SUGCT: variants seen among roughly 807,000 people sequenced by gnomAD.
The protein encoded by SUGCT is succinyl-CoA:glutarate CoA-transferase.
In SUGCT, 41 loss-of-function variants were observed where a neutral mutation model predicts 55.0. The observed-to-expected ratio is 0.74, with a 90% CI of 0.58 to 0.97. SUGCT has a LOEUF of 0.97. SUGCT is among the 50% of genes least tolerant of loss of function. The probability of loss-of-function intolerance (pLI) is 0.00; values close to 1 mark genes in which losing one functional copy is unlikely to be tolerated. For missense variants in SUGCT, 568 were observed against 547.8 expected (o/e 1.04, Z -0.37); for synonymous variants, 187 against 200.4 (o/e 0.93, Z 0.56).
chr7:40,194,648 T>G (rs1470006196), intron 5 of SUGCT, among the ~76,000 whole-genome samples: 1 of 152,242 alleles, frequency 6.6e-6, no homozygotes, highest in Non-Finnish European at 1.5e-5. Flanking sequence ...CCTAATCTTT[T>G]GAGAATCTAT....
chr7:40,248,357 G>A (rs975706560), intron 7 of SUGCT, among the ~76,000 whole-genome samples: 1 of 151,900 alleles, frequency 6.6e-6, no homozygotes, highest in South Asian at 2.1e-4. Flanking sequence ...TGAATGTTTT[G>A]CATTGTATTT....
At chr7:40,744,943 T>C (rs1787655323) in intron 12 of SUGCT, among the ~76,000 whole-genome samples, 1 of 152,250 alleles carries the variant, frequency 6.6e-6, no homozygotes, top group African/African-American at 2.4e-5. Flanking sequence ...TGCTCCTTTG[T>C]TATGGAGCTT....
At chr7:40,182,561 CAAAAAAA>C (rs533687452) in intron 3 of SUGCT, among the ~76,000 whole-genome samples, 1 of 66,114 alleles carries the variant, frequency 1.5e-5, no homozygotes, top group Non-Finnish European at 3.3e-5. Context: ...GACTCCGTTT[CAAAAAAA>C]AAAAAAAAAA....
intron 6 of SUGCT, among the ~76,000 whole-genome samples, chr7:40,225,592 C>T (rs573412309): frequency 1.3e-5 from 2 of 151,840 alleles, no homozygotes; most frequent in Non-Finnish European, 2.9e-5. Context: ...CATGCCACCA[C>T]GCTCAGCTAG....
At chr7:40,248,072 C>G (rs1402168973) in intron 7 of SUGCT, among the ~76,000 whole-genome samples, 1 of 146,652 alleles carries the variant, frequency 6.8e-6, no homozygotes, top group Non-Finnish European at 1.5e-5. Flanking sequence ...AGTGCAGTGG[C>G]GTGATCTCGG....
chr7:40,790,151 A>G (rs1052194153), intron 13 of SUGCT, among the ~76,000 whole-genome samples: 1 of 152,140 alleles, frequency 6.6e-6, no homozygotes, highest in African/African-American at 2.4e-5. Flanking sequence ...CATAATCCCC[A>G]TGTGTCATGG....
At chr7:40,591,005 A>T (rs1043846746) in intron 12 of SUGCT, among the ~76,000 whole-genome samples, 2 of 152,044 alleles carry the variant, frequency 1.3e-5, no homozygotes, top group Admixed American at 6.6e-5. Context: ...TATTGCTTTC[A>T]TGCCTACTGA....
chr7:40,829,508 T>G (rs915513086), intron 13 of SUGCT, among the ~76,000 whole-genome samples: 2 of 152,122 alleles, frequency 1.3e-5, no homozygotes, highest in African/African-American at 4.8e-5. Flanking sequence ...CTGGGTGGAG[T>G]GTCAGTTATT....
At chr7:40,265,583 A>C (rs1310083000) in intron 7 of SUGCT, among the ~76,000 whole-genome samples, 1 of 152,156 alleles carries the variant, frequency 6.6e-6, no homozygotes, top group African/African-American at 2.4e-5. Flanking sequence ...AAAAATTCTT[A>C]AATTGTGTAT....
chr7:40,180,089 C>T (rs558818845), intron 1 of SUGCT, among the ~76,000 whole-genome samples: 29 of 152,180 alleles, frequency 1.9e-4, no homozygotes, highest in Non-Finnish European at 3.2e-4. Context: ...ACCAATCACA[C>T]GCACTTCAAA....
chr7:40,996,613 T>C, the SUGCT span, among the ~76,000 whole-genome samples: 1 of 152,216 alleles, frequency 6.6e-6, no homozygotes, highest in Non-Finnish European at 1.5e-5. Flanking sequence ...GCCAACTTTC[T>C]GTCCTGCAAT....
intron 9 of SUGCT, among the ~76,000 whole-genome samples, chr7:40,408,931 T>TTC (rs761167115): frequency 2.0e-5 from 3 of 151,912 alleles, no homozygotes; most frequent in Middle Eastern, 3.4e-3. Flanking sequence ...TTATTTTCTG[T>TTC]TCTCTCTCTC....
At chr7:41,009,760 G>A in the SUGCT span, among the ~76,000 whole-genome samples, 2 of 152,050 alleles carry the variant, frequency 1.3e-5, no homozygotes, top group Non-Finnish European at 2.9e-5. Flanking sequence ...TCCCTTAAAA[G>A]CTATAGTACA....
chr7:40,495,826 C>A (rs960479448), intron 11 of SUGCT, among the ~76,000 whole-genome samples: 31 of 152,098 alleles, frequency 2.0e-4, no homozygotes, highest in African/African-American at 7.2e-4. Flanking sequence ...ATGGTTGTGA[C>A]CATTAATTTT....
chr7:40,450,722 C>T (rs1297917091), intron 10 of SUGCT, among the ~76,000 whole-genome samples: 5 of 151,504 alleles, frequency 3.3e-5, no homozygotes, highest in East Asian at 1.9e-4. Flanking sequence ...TGCAGTGAGC[C>T]GAGATTGCGC....
chr7:40,776,071 G>A (rs2128732748), intron 13 of SUGCT, among the ~76,000 whole-genome samples: 1 of 152,274 alleles, frequency 6.6e-6, no homozygotes, highest in East Asian at 1.9e-4. Flanking sequence ...CCATATTGCA[G>A]TTTGCAGTGA....
chr7:40,389,650 T>C (rs965031520), intron 9 of SUGCT, among the ~76,000 whole-genome samples: 4 of 152,216 alleles, frequency 2.6e-5, no homozygotes, highest in African/African-American at 9.6e-5. Flanking sequence ...ATTATTTCTA[T>C]TTCACATATG....
chr7:40,174,883 A>G (rs1455989316), intron 1 of SUGCT, among the ~76,000 whole-genome samples: 2 of 152,218 alleles, frequency 1.3e-5, no homozygotes, highest in Admixed American at 1.3e-4. Context: ...ACAATGTATG[A>G]AAGTGTCCAT....
intron 13 of SUGCT, among the ~76,000 whole-genome samples, chr7:40,829,693 G>A (rs1340644023): frequency 6.6e-6 from 1 of 152,080 alleles, no homozygotes. Context: ...CTAAAATGCT[G>A]TGCAGTGTCA....
Sources: gnomAD v4.1 joint callset for allele counts (sites outside exome capture counted in the v4.1 genomes callset) on GRCh38, gnomAD v4.1.1 for gene constraint, MANE v1.5 for transcripts, NCBI Gene and HGNC (gene_info 2026-07-23, HGNC 2026-07-21) for gene names.